ZNF438: variants seen among roughly 807,000 people sequenced by gnomAD.
ZNF438 encodes the protein zinc finger protein 438.
A neutral mutation model predicts 38.0 loss-of-function variants in ZNF438; 25 were observed. That is an observed-to-expected ratio of 0.66 (90% CI 0.48 to 0.92). The LOEUF is 0.92. Ranked by LOEUF, ZNF438 falls within the 40% of genes least tolerant of loss-of-function variation. The pLI is 0.00. For missense variants in ZNF438, 1,007 were observed against 999.6 expected, an observed-to-expected ratio of 1.01 and a Z score of -0.10; for synonymous variants, 372 against 364.1, an observed-to-expected ratio of 1.02 and a Z score of -0.25.
At chr10:30,872,262 CTAAAAA>C (rs2037543765) in intron 4 of ZNF438, among the ~76,000 whole-genome samples, 1 of 151,566 alleles carries the variant, frequency 6.6e-6, no homozygotes, top group Admixed American at 6.6e-5. Context: ...CCCCTCTCTA[CTAAAAA>C]TACAAAAATT....
chr10:30,886,582 G>A (rs542255711), intron 3 of ZNF438, among the ~76,000 whole-genome samples: 1 of 152,160 alleles, frequency 6.6e-6, no homozygotes, highest in Non-Finnish European at 1.5e-5. Flanking sequence ...TTAGCCTATA[G>A]TTAGGCAAAA....
rs1260212261 is a variant in ZNF438, at chr10:30,960,608, A to G, written c.-191-18957T>C. 1.4e-5 allele frequency among the ~76,000 whole-genome samples: 2 copies of G among 146,798 alleles called. 1 individual carries two copies. The highest frequency in any genetic ancestry group is 3.1e-5 in the Non-Finnish European group (2 of 64,736). ...ATTTCTGGACTCTCAATTCCTCTCCATTGATTTATATGCTTATCCTATGCC... is the reference window on the plus strand; with the variant it reads ...ATTTCTGGACTCTCAATTCCTCTCCGTTGATTTATATGCTTATCCTATGCC... On this transcript the variant is annotated intron_variant, in intron 1 of 5. Coordinates refer to ENST00000413025, the Ensembl canonical transcript of ZNF438.
chr10:31,016,245 G>C (rs2056187975), intron 1 of ZNF438, among the ~76,000 whole-genome samples: 1 of 128,132 alleles, frequency 7.8e-6, no homozygotes, highest in African/African-American at 2.6e-5. Context: ...AATTATAACA[G>C]GGGTGATGTT....
chr10:31,013,305 C>T (rs1169794271), intron 1 of ZNF438, among the ~76,000 whole-genome samples: 18 of 151,436 alleles, frequency 1.2e-4, no homozygotes, highest in African/African-American at 4.1e-4. Flanking sequence ...GGCGACAGAG[C>T]GAGACTCCGT....
At chr10:30,999,195 G>C (rs1174219397) in intron 1 of ZNF438, 1 of 152,148 alleles carries the variant, frequency 6.6e-6, no homozygotes, top group Non-Finnish European at 1.5e-5. Flanking sequence ...GTCATTACTA[G>C]GCCAGTCCAT....
At chr10:30,848,430 A>C in intron 5 of ZNF438, 101 bp downstream of exon 6, 16 of 1,359,944 alleles carry the variant, frequency 1.2e-5, no homozygotes, top group Non-Finnish European at 1.6e-5. Flanking sequence ...TCTTAATCCT[A>C]GAGATGTTTT....
intron 1 of ZNF438, among the ~76,000 whole-genome samples, chr10:30,986,652 T>A (rs1460815726): frequency 6.6e-6 from 1 of 152,210 alleles, no homozygotes; most frequent in African/African-American, 2.4e-5. Flanking sequence ...TTTTTAAAAA[T>A]TTTGAAACAT....
intron 1 of ZNF438, among the ~76,000 whole-genome samples, chr10:30,949,062 C>A (rs1385639397): frequency 6.6e-6 from 1 of 152,126 alleles, no homozygotes; most frequent in Non-Finnish European, 1.5e-5. Flanking sequence ...TCGGCAGAAA[C>A]CCTACAAGCC....
intron 2 of ZNF438, among the ~76,000 whole-genome samples, chr10:30,937,374 C>T (rs1368807244): frequency 2.6e-5 from 4 of 152,210 alleles, no homozygotes; most frequent in African/African-American, 9.7e-5. Flanking sequence ...TGCTAGGGAA[C>T]TGTGTGCTAA....
At chr10:30,974,039 C>CTGAACTA (rs2051046313) in intron 1 of ZNF438, among the ~76,000 whole-genome samples, 1 of 152,198 alleles carries the variant, frequency 6.6e-6, no homozygotes, top group African/African-American at 2.4e-5. Flanking sequence ...TGACCTGCAG[C>CTGAACTA]CTAATGGCTG....
chr10:31,019,789 T>G (rs184758666), intron 1 of ZNF438, among the ~76,000 whole-genome samples: 3 of 152,290 alleles, frequency 2.0e-5, no homozygotes, highest in East Asian at 1.9e-4. Context: ...CACTAAAAAT[T>G]TATTTGTTGC....
At chr10:30,929,666 CTGA>C in intron 2 of ZNF438, among the ~76,000 whole-genome samples, 1 of 152,330 alleles carries the variant, frequency 6.6e-6, no homozygotes, top group Non-Finnish European at 1.5e-5. Context: ...CACCCACATC[CTGA>C]TGATTGGTCC....
chr10:30,853,872 G>A (rs536389484), intron 4 of ZNF438, among the ~76,000 whole-genome samples: 2 of 152,302 alleles, frequency 1.3e-5, no homozygotes, highest in Non-Finnish European at 2.9e-5. Flanking sequence ...GCAAGTGCCT[G>A]TAATCCCAGC....
intron 4 of ZNF438, among the ~76,000 whole-genome samples, chr10:30,868,200 G>C (rs2036797090): frequency 6.6e-6 from 1 of 151,842 alleles, no homozygotes; most frequent in Non-Finnish European, 1.5e-5. Flanking sequence ...CTCCCAAGTA[G>C]CTGGGATTAC....
exon 5 of ZNF438, chr10:30,850,016 C>G: frequency 1.2e-6 from 2 of 1,614,038 alleles, no homozygotes; most frequent in Non-Finnish European, 1.7e-6. Flanking sequence ...TGATGCTTTG[C>G]TATTTCTAGG....
chr10:30,917,713 T>C (rs2043812529), intron 2 of ZNF438, among the ~76,000 whole-genome samples: 1 of 152,218 alleles, frequency 6.6e-6, no homozygotes, highest in Non-Finnish European at 1.5e-5. Flanking sequence ...TATATTCCTT[T>C]GACAAATATA....
rs11375197 is a variant in ZNF438, at chr10:30,910,683, CAAAAAAAA to C, written c.-114-1676_-114-1669del. On this transcript the variant is annotated intron_variant, in intron 2 of 5. Coordinates refer to ENST00000413025, the Ensembl canonical transcript of ZNF438. ...GACGAATCTTTATTTGTATATTGGC[CAAAAAAAA>C]AAAAAAAAAAAGCCGCCTATATTTA... 8.9e-5 allele frequency among the ~76,000 whole-genome samples: 8 copies of C among 89,770 alleles called. No individual in the cohort carries two copies. In the South Asian group the frequency reaches 2.6e-3, roughly 29 times the overall value. The allele number at this position is 89,770 out of a possible 152,430, so 58.9% of individuals were successfully genotyped here. A position where few individuals can be genotyped will look rare whatever the true frequency, so the allele number is the denominator to read the frequency against.
At chr10:30,993,932 T>G (rs886609754) in intron 1 of ZNF438, among the ~76,000 whole-genome samples, 1 of 152,258 alleles carries the variant, frequency 6.6e-6, no homozygotes, top group Non-Finnish European at 1.5e-5. Context: ...TAAGATGTAA[T>G]GCTGTTTTCC....
chr10:30,859,111 C>G (rs1345545117), intron 4 of ZNF438, among the ~76,000 whole-genome samples: 1 of 152,120 alleles, frequency 6.6e-6, no homozygotes. Flanking sequence ...GACAGGGTCT[C>G]ACTCTGTCAC....
Sources: allele counts gnomAD v4.1 joint callset (sites outside exome capture counted in the v4.1 genomes callset), GRCh38; gene constraint gnomAD v4.1.1; transcripts MANE v1.5; gene names NCBI Gene and HGNC (gene_info 2026-07-23, HGNC 2026-07-21).